Variants in TIAM1 observed in about 807,000 individuals in gnomAD.
TIAM1 encodes rho guanine nucleotide exchange factor TIAM1.
TIAM1 carries 65 observed loss-of-function variants against 163.5 expected under a neutral mutation model. That is an observed-to-expected ratio of 0.40 (90% CI 0.33 to 0.49). The LOEUF (loss-of-function observed/expected upper bound fraction) is 0.49. TIAM1 is among the 20% of genes least tolerant of loss of function. The pLI is 0.77. For synonymous variants in TIAM1, 833 were observed against 810.1 expected, an observed-to-expected ratio of 1.03 and a Z score of -0.48; for missense variants, 1,789 against 2,044.7, an observed-to-expected ratio of 0.87 and a Z score of 2.41.
intron 1 of TIAM1, among the ~76,000 whole-genome samples, chr21:31,523,329 GA>G (rs1191717235): frequency 3.3e-5 from 5 of 152,224 alleles, no homozygotes; most frequent in Admixed American, 2.6e-4. Flanking sequence ...GTGCAATTAA[GA>G]AAAATCTAAA....
At chr21:31,549,007 C>T (rs1257281853) in intron 1 of TIAM1, among the ~76,000 whole-genome samples, 1 of 152,180 alleles carries the variant, frequency 6.6e-6, no homozygotes, top group African/African-American at 2.4e-5. Context: ...ACAAAAACTA[C>T]CACCCAGCAA....
At chr21:31,256,588 T>TACACACACACACACACACACACACAC (rs5030999) in intron 4 of TIAM1, among the ~76,000 whole-genome samples, 4 of 128,162 alleles carry the variant, frequency 3.1e-5, no homozygotes, top group African/African-American at 8.8e-5. Context: ...TACCCCTCAC[T>TACACACACACACACACACACACACAC]ACACACACAC....
At chr21:31,152,789 C>T in intron 18 of TIAM1, 28 bp from the exon 19 acceptor site, 1 of 1,610,466 alleles carries the variant, frequency 6.2e-7, no homozygotes, top group Non-Finnish European at 8.5e-7. Context: ...TTTAATGCAC[C>T]TCATATCTCA....
intron 2 of TIAM1, among the ~76,000 whole-genome samples, chr21:31,450,096 C>T (rs1192853341): frequency 2.6e-5 from 4 of 152,176 alleles, no homozygotes; most frequent in Admixed American, 6.5e-5. Flanking sequence ...AACAGGCCTC[C>T]TGGGCCCCGA....
chr21:31,245,372 TAAAAA>T (rs35494700), intron 6 of TIAM1, 111 bp downstream of exon 6: 1,372 of 208,958 alleles, frequency 6.6e-3, no homozygotes, highest in East Asian at 8.3e-3. Context: ...ATCTCACCAC[TAAAAA>T]AAAAAAAAAA....
chr21:31,274,061 C>A (rs886300932), intron 3 of TIAM1, among the ~76,000 whole-genome samples: 3 of 152,018 alleles, frequency 2.0e-5, no homozygotes, highest in African/African-American at 7.3e-5. Flanking sequence ...TACAAAAATA[C>A]AAAAATTAGC....
rs12482220 is a variant in TIAM1 at position 31,276,367 on chromosome 21, C to T, written c.-12+365G>A. Among the ~76,000 whole-genome samples, 1,059 of 152,180 alleles carry T rather than the reference C, an allele frequency of 7.0e-3. 6 individuals carry two copies. Among genetic ancestry groups the T allele is most frequent in the Non-Finnish European group, 0.011 (724 of 68,006 alleles). ...TTTATTTTTACTTTTCAAAGATTAT[C>T]CAAAGCAGAAACAAAACATATCATT... On this transcript the variant is annotated intron_variant, in intron 3 of 27. Coordinates refer to ENST00000541036, the MANE Select transcript of TIAM1 (RefSeq NM_001353694.2).
At chr21:31,548,076 G>C (rs1039817170) in intron 1 of TIAM1, among the ~76,000 whole-genome samples, 8 of 148,060 alleles carry the variant, frequency 5.4e-5, no homozygotes, top group African/African-American at 2.0e-4. Flanking sequence ...GAAAGTACAA[G>C]ATTCTTTCCT....
At chr21:31,148,619 G>A (rs2083241508) in intron 19 of TIAM1, among the ~76,000 whole-genome samples, 1 of 152,138 alleles carries the variant, frequency 6.6e-6, no homozygotes, top group Non-Finnish European at 1.5e-5. Context: ...CCATCCTAAA[G>A]CCATTCATTT....
chr21:31,222,695 ATATATATATATATTTTTTTTTTT>A (rs1329282871), intron 8 of TIAM1, among the ~76,000 whole-genome samples: 827 of 35,802 alleles, frequency 0.023, 10 homozygotes, highest in African/African-American at 0.11. Context: ...ATATATATAT[ATATATATATATATTTTTTTTTTT>A]TTTTTTTTTT....
chr21:31,283,799 C>T (rs1220105209), intron 2 of TIAM1, among the ~76,000 whole-genome samples: 1 of 152,098 alleles, frequency 6.6e-6, no homozygotes, highest in Non-Finnish European at 1.5e-5. Flanking sequence ...TCCTTGGCTT[C>T]CCAAAGTGCT....
At chr21:31,466,719 T>G (rs1220094285) in intron 1 of TIAM1, among the ~76,000 whole-genome samples, 3 of 152,202 alleles carry the variant, frequency 2.0e-5, no homozygotes, top group African/African-American at 7.2e-5. Context: ...CAGTAATACC[T>G]GACACCACAT....
intron 1 of TIAM1, among the ~76,000 whole-genome samples, chr21:31,475,413 C>T (rs1483940029): frequency 1.3e-5 from 2 of 152,164 alleles, no homozygotes. Flanking sequence ...TCGTCCTCTT[C>T]ATCAGCTACA....
intron 1 of TIAM1, among the ~76,000 whole-genome samples, chr21:31,530,386 G>A (rs1037535703): frequency 2.0e-5 from 3 of 152,226 alleles, no homozygotes; most frequent in Admixed American, 6.5e-5. Flanking sequence ...GGCCTGAACA[G>A]TGATGGAATT....
In TIAM1 at chr21:31,141,491, C is replaced by T. The variant is rs765103518; in HGVS notation, c.3489G>A (p.Thr1163=). ...GGGCATCCAAGAATGCCTTGAAAGC[C>T]GTGTCTGTCTTGGCTGGCAGGGTTT... ...PKVLVKAKTD[T]AFKAFLDAQN... The change falls in exon 21 of 28, where the codon ACG becomes ACA. Residue 1163 remains threonine, a synonymous_variant. Transcript: ENST00000541036. This position sits in a 1 kb window ranked among gnomAD's most constrained non-coding sequence, Gnocchi z 4.7. The T allele has an allele frequency of 6.2e-6, 10 of 1,613,882 alleles. No homozygotes were observed. The East Asian group carries it at 6.7e-5, about 11-fold the overall frequency.
chr21:31,252,064 C>T lies in TIAM1; in HGVS notation c.1089G>A (p.Arg363=). The T allele has an allele frequency of 6.2e-7, 1 of 1,614,026 alleles. No homozygotes were observed. Among genetic ancestry groups the T allele is most frequent in the Non-Finnish European group, 8.5e-7 (1 of 1,180,034 alleles). ...TNSSYSPTTG[R]AFVGSDSGSS... Reference sequence around the variant, plus strand: ...TGCCGCTGTCGCTGCCCACAAAGGCCCGGCCTGTGGTGGGTGAGTAGCTGG... The same window carrying T: ...TGCCGCTGTCGCTGCCCACAAAGGCTCGGCCTGTGGTGGGTGAGTAGCTGG... Residue 363 remains arginine (R), a synonymous_variant, in exon 5 of 28, where the codon CGG becomes CGA. Transcript: ENST00000541036.
At chr21:31,501,817 G>T (rs550455123) in intron 1 of TIAM1, among the ~76,000 whole-genome samples, 1 of 152,300 alleles carries the variant, frequency 6.6e-6, no homozygotes, top group Non-Finnish European at 1.5e-5. Flanking sequence ...TGGCCAGGCT[G>T]GTCTCGAACT....
chr21:31,365,582 G>A (rs1406773072), intron 2 of TIAM1, among the ~76,000 whole-genome samples: 1 of 151,134 alleles, frequency 6.6e-6, no homozygotes, highest in Non-Finnish European at 1.5e-5. Flanking sequence ...GTAGAGATGG[G>A]GTTTCACACC....
chr21:31,223,369 C>G, intron 8 of TIAM1, 37 bp downstream of exon 8: 1 of 1,576,168 alleles, frequency 6.3e-7, no homozygotes, highest in Non-Finnish European at 8.6e-7. Flanking sequence ...AAGCGTCAAG[C>G]TTAATGTTTT....
Sources: gnomAD v4.1 joint callset for allele counts (sites outside exome capture counted in the v4.1 genomes callset) on GRCh38, gnomAD v4.1.1 for gene constraint, Gnocchi (gnomAD v3.1) non-coding constraint, MANE v1.5 for transcripts, NCBI Gene and HGNC (gene_info 2026-07-23, HGNC 2026-07-21) for gene names.